Variants in STAC observed in about 807,000 individuals in gnomAD.
STAC encodes the protein SH3 and cysteine rich domain.
A neutral mutation model predicts 48.8 loss-of-function variants in STAC; 43 were observed. The ratio of observed to expected loss-of-function variants is 0.88; its 90% CI spans 0.69 to 1.14. The LOEUF (loss-of-function observed/expected upper bound fraction) is 1.14. STAC is among the 50% of genes most tolerant of loss of function. The probability of loss-of-function intolerance (pLI) is 0.00; values close to 1 mark genes in which losing one functional copy is unlikely to be tolerated. For synonymous variants in STAC, 193 were observed against 179.5 expected, an observed-to-expected ratio of 1.07 and a Z score of -0.60; for missense variants, 497 against 504.0, an observed-to-expected ratio of 0.99 and a Z score of 0.13.
At chr3:36,406,981 C>T (rs1173357067) in intron 1 of STAC, among the ~76,000 whole-genome samples, 1 of 152,202 alleles carries the variant, frequency 6.6e-6, no homozygotes, top group Non-Finnish European at 1.5e-5. Flanking sequence ...AAGGTATGAT[C>T]TTGGGCAAAT....
At chr3:36,457,788 G>A (rs1696893611) in intron 2 of STAC, among the ~76,000 whole-genome samples, 3 of 152,166 alleles carry the variant, frequency 2.0e-5, no homozygotes. Flanking sequence ...ACACACAAAA[G>A]AGAAGAAAAG....
intron 1 of STAC, among the ~76,000 whole-genome samples, chr3:36,434,300 C>A (rs921485946): frequency 6.6e-6 from 1 of 152,210 alleles, no homozygotes; most frequent in Middle Eastern, 3.4e-3. Flanking sequence ...GGTTTAATAT[C>A]TTCTCAGAAA....
chr3:36,453,681 A>C lies in STAC; in HGVS notation c.388+10041A>C, dbSNP rs1307710194. ...CCCATCGACCACCCAAGGGCTGAGGAGTGCTGGCGCAGGGCGCGGGACTGG... is the reference window on the plus strand; with the variant it reads ...CCCATCGACCACCCAAGGGCTGAGGCGTGCTGGCGCAGGGCGCGGGACTGG... On this transcript the variant is annotated intron_variant, in intron 2 of 10. Transcript: ENST00000273183. Among the ~76,000 whole-genome samples, 4 of 90,248 alleles carry C rather than the reference A, an allele frequency of 4.4e-5. 1 individual carries two copies. The highest frequency in any genetic ancestry group is 1.2e-4 in the Admixed American group (1 of 8,202). 59.2% of individuals were successfully genotyped at this position (90,248 alleles called of 152,430 possible).
At chr3:36,450,674 C>T (rs1368433252) in intron 2 of STAC, among the ~76,000 whole-genome samples, 2 of 152,096 alleles carry the variant, frequency 1.3e-5, no homozygotes, top group African/African-American at 2.4e-5. Flanking sequence ...TACAGGTGCC[C>T]GCCACCATGC....
At chr3:36,456,067 G>GCA (rs10633221) in intron 2 of STAC, among the ~76,000 whole-genome samples, 107,536 of 150,198 alleles carry the variant, frequency 0.72, 38,817 homozygotes, top group Non-Finnish European at 0.77. Context: ...ACACACGTGC[G>GCA]CACACACACA....
At chr3:36,438,913 A>G (rs1362262018) in intron 1 of STAC, among the ~76,000 whole-genome samples, 1 of 152,250 alleles carries the variant, frequency 6.6e-6, no homozygotes, top group East Asian at 1.9e-4. Context: ...TTTGATAAAC[A>G]GGGCATGCAT....
At position 36,443,672 on chromosome 3, in the gene STAC, AG is replaced by A. The variant is rs1384301815; in HGVS notation, c.388+33del. 1.9e-6 allele frequency: 3 copies of A among 1,599,338 alleles called. No individual in the cohort carries two copies. Among genetic ancestry groups the A allele is most frequent in the Admixed American group, 1.7e-5 (1 of 59,924 alleles). On this transcript the variant is annotated intron_variant, in intron 2 of 10. Coordinates refer to ENST00000273183, the MANE Select transcript of STAC (RefSeq NM_003149.3). The surrounding 1 kb of genome is among the most constrained non-coding windows in gnomAD (Gnocchi z 4.2). ...CCTCCCACCCCTTTCTCCAGATCCC[AG>A]CACCCCCGGAAAGCTGAGTGAGAGT...
At chr3:36,511,055 G>C (rs1698526391) in intron 8 of STAC, among the ~76,000 whole-genome samples, 1 of 151,280 alleles carries the variant, frequency 6.6e-6, no homozygotes, top group African/African-American at 2.4e-5. Flanking sequence ...TATCCACTTG[G>C]TGGTAACTGA....
chr3:36,491,840 C>A (rs948700712), intron 5 of STAC, among the ~76,000 whole-genome samples: 6 of 149,538 alleles, frequency 4.0e-5, no homozygotes, highest in Non-Finnish European at 5.9e-5. Flanking sequence ...ACAGTGAAAT[C>A]CTGTCTCTAC....
chr3:36,528,780 G>T, intron 9 of STAC, 33 bp downstream of exon 9: 1 of 1,597,178 alleles, frequency 6.3e-7, no homozygotes, highest in Admixed American at 1.8e-5. Context: ...AAAAAAAAGA[G>T]AAAATCATTT....
chr3:36,520,412 G>A (rs1698772951), intron 8 of STAC, among the ~76,000 whole-genome samples: 1 of 152,132 alleles, frequency 6.6e-6, no homozygotes, highest in South Asian at 2.1e-4. Flanking sequence ...TCAAAAACCA[G>A]AACAGAGGTT....
intron 2 of STAC, among the ~76,000 whole-genome samples, chr3:36,450,856 C>T (rs1696656342): frequency 6.6e-6 from 1 of 152,158 alleles, no homozygotes; most frequent in South Asian, 2.1e-4. Context: ...AAGCTTCTGT[C>T]ATTAATTCTA....
chr3:36,420,580 C>T (rs548769256), intron 1 of STAC, among the ~76,000 whole-genome samples: 3 of 152,292 alleles, frequency 2.0e-5, no homozygotes, highest in African/African-American at 7.2e-5. Flanking sequence ...CATGCGAGGA[C>T]GCTAGGTTGT....
intron 6 of STAC, among the ~76,000 whole-genome samples, chr3:36,499,056 T>C (rs1427122932): frequency 6.6e-6 from 1 of 152,138 alleles, no homozygotes; most frequent in African/African-American, 2.4e-5. Flanking sequence ...TAACCTAGAA[T>C]TGTAAATGAA....
chr3:36,417,348 G>A (rs1446870580), intron 1 of STAC, among the ~76,000 whole-genome samples: 1 of 152,050 alleles, frequency 6.6e-6, no homozygotes. Flanking sequence ...CCTTCTTCCT[G>A]TCTATGTAGC....
At chr3:36,534,141 G>C (rs900568940) in intron 10 of STAC, among the ~76,000 whole-genome samples, 1 of 152,176 alleles carries the variant, frequency 6.6e-6, no homozygotes, top group Non-Finnish European at 1.5e-5. Context: ...AAAGAGCACA[G>C]ATACTAGTGT....
intron 1 of STAC, among the ~76,000 whole-genome samples, chr3:36,430,326 T>C (rs773619891): frequency 1.3e-5 from 2 of 152,142 alleles, no homozygotes; most frequent in African/African-American, 2.4e-5. Flanking sequence ...CCTGCATGCA[T>C]AGAATATTGA....
chr3:36,505,674 C>A, intron 7 of STAC, 72 bp from the exon 8 acceptor site: 1 of 1,014,986 alleles, frequency 9.9e-7, no homozygotes, highest in Non-Finnish European at 1.5e-6. Context: ...TCTCCATTTC[C>A]TGTTTTCTTT....
chr3:36,453,100 T>A (rs932360798), intron 2 of STAC, among the ~76,000 whole-genome samples: 1 of 152,278 alleles, frequency 6.6e-6, no homozygotes, highest in Non-Finnish European at 1.5e-5. Context: ...CTAGTTTATC[T>A]CAATGACTTT....
Sources: allele counts gnomAD v4.1 joint callset (sites outside exome capture counted in the v4.1 genomes callset), GRCh38; gene constraint gnomAD v4.1.1; non-coding constraint Gnocchi (gnomAD v3.1); transcripts MANE v1.5; gene names NCBI Gene and HGNC (gene_info 2026-07-23, HGNC 2026-07-21).